Variants in ROBO2 observed in about 807,000 individuals in gnomAD.
ROBO2 encodes roundabout homolog 2.
Under a neutral mutation model 160.8 loss-of-function variants are expected in ROBO2, and 53 were observed. The ratio of observed to expected loss-of-function variants is 0.33; its 90% CI spans 0.26 to 0.41. ROBO2 has a LOEUF of 0.41. ROBO2 is among the 10% of genes least tolerant of loss of function. ROBO2 has a pLI of 1.00. For synonymous variants in ROBO2, 664 were observed against 611.7 expected (o/e 1.09, Z -1.26); for missense variants, 1,577 against 1,722.4 (o/e 0.92, Z 1.49).
intron 5 of ROBO2, among the ~76,000 whole-genome samples, chr3:77,522,239 T>C (rs1254791772): frequency 1.3e-5 from 2 of 151,196 alleles, no homozygotes; most frequent in Non-Finnish European, 3.0e-5. Context: ...CATGTTGATG[T>C]TTCAGGAGTT....
chr3:77,214,850 G>C (rs1422118709), intron 2 of ROBO2, among the ~76,000 whole-genome samples: 1 of 152,080 alleles, frequency 6.6e-6, no homozygotes, highest in Non-Finnish European at 1.5e-5. Context: ...GCTTAGTTTG[G>C]CTGGATATGA....
chr3:76,966,723 A>G (rs182695242), intron 2 of ROBO2, among the ~76,000 whole-genome samples: 1 of 152,322 alleles, frequency 6.6e-6, no homozygotes, highest in East Asian at 1.9e-4. Flanking sequence ...ATTCTCACCT[A>G]TGAAATGAAG....
At chr3:77,465,086 T>C (rs755643405) in intron 2 of ROBO2, among the ~76,000 whole-genome samples, 5 of 152,174 alleles carry the variant, frequency 3.3e-5, no homozygotes, top group Admixed American at 6.5e-5. Flanking sequence ...CCGTAATTTG[T>C]TCATCAAGAG....
intron 2 of ROBO2, among the ~76,000 whole-genome samples, chr3:77,368,264 T>G (rs199935330): frequency 5.3e-5 from 8 of 149,606 alleles, no homozygotes; most frequent in African/African-American, 2.0e-4. Flanking sequence ...CATTTTTTTG[T>G]TATTTTAATA....
intron 2 of ROBO2, among the ~76,000 whole-genome samples, chr3:76,844,062 A>G (rs1300853282): frequency 6.6e-6 from 1 of 151,994 alleles, no homozygotes; most frequent in South Asian, 2.1e-4. Context: ...TCTCCCTAGA[A>G]GCGTTCCGGT....
At chr3:77,114,210 A>G (rs1398246381) in intron 2 of ROBO2, among the ~76,000 whole-genome samples, 1 of 152,128 alleles carries the variant, frequency 6.6e-6, no homozygotes, top group Non-Finnish European at 1.5e-5. Flanking sequence ...GCCCTCTGGA[A>G]AAGGGGAAAT....
chr3:76,605,735 T>A (rs1252231583), intron 2 of ROBO2, among the ~76,000 whole-genome samples: 1 of 152,144 alleles, frequency 6.6e-6, no homozygotes, highest in Non-Finnish European at 1.5e-5. Flanking sequence ...AAAGAATAAG[T>A]AGCACATCTG....
intron 2 of ROBO2, among the ~76,000 whole-genome samples, chr3:76,972,836 G>A (rs1169857160): frequency 6.6e-6 from 1 of 152,018 alleles, no homozygotes; most frequent in Non-Finnish European, 1.5e-5. Flanking sequence ...TCATGTCTCA[G>A]AGAAATACAT....
chr3:76,370,828 G>T (rs1166912587), intron 2 of ROBO2, among the ~76,000 whole-genome samples: 2 of 151,916 alleles, frequency 1.3e-5, no homozygotes, highest in Non-Finnish European at 2.9e-5. Context: ...GCATCTTCAA[G>T]AATCTACTAG....
At chr3:77,553,890 C>G (rs1216033162) in intron 8 of ROBO2, among the ~76,000 whole-genome samples, 1 of 29,574 alleles carries the variant, frequency 3.4e-5, no homozygotes, top group East Asian at 8.9e-4. Context: ...GAAGCTTTAT[C>G]AAGTTATTCA....
intron 2 of ROBO2, among the ~76,000 whole-genome samples, chr3:75,996,540 C>T (rs1212475478): frequency 6.6e-6 from 1 of 152,186 alleles, no homozygotes; most frequent in Non-Finnish European, 1.5e-5. Flanking sequence ...TAATAATAGA[C>T]CTTAGTGACT....
At chr3:76,737,063 A>G (rs562737881) in intron 2 of ROBO2, among the ~76,000 whole-genome samples, 1 of 152,324 alleles carries the variant, frequency 6.6e-6, no homozygotes, top group South Asian at 2.1e-4. Context: ...TGAGCTTAGT[A>G]TAGGTTTAAA....
chr3:76,145,664 T>C (rs1379379446), intron 2 of ROBO2, among the ~76,000 whole-genome samples: 2 of 152,076 alleles, frequency 1.3e-5, no homozygotes, highest in Non-Finnish European at 2.9e-5. Flanking sequence ...TTTACTTATG[T>C]ATAACTCCTT....
chr3:77,181,628 G>A (rs1461790951), intron 2 of ROBO2, among the ~76,000 whole-genome samples: 2 of 151,968 alleles, frequency 1.3e-5, no homozygotes, highest in African/African-American at 2.4e-5. Context: ...AAAGAGCAGA[G>A]GAATTAGGAT....
chr3:77,222,187 C>T (rs566167994), intron 2 of ROBO2, among the ~76,000 whole-genome samples: 31 of 152,276 alleles, frequency 2.0e-4, no homozygotes, highest in African/African-American at 7.0e-4. Flanking sequence ...CTTTACCCTC[C>T]TGTCCAAAAG....
intron 5 of ROBO2, among the ~76,000 whole-genome samples, chr3:77,503,277 G>A (rs992612243): frequency 1.6e-4 from 25 of 151,542 alleles, no homozygotes; most frequent in African/African-American, 5.8e-4. Flanking sequence ...TGTAATCCCA[G>A]CACTTTGGGA....
chr3:77,237,517 G>T (rs2151331801), intron 2 of ROBO2, among the ~76,000 whole-genome samples: 1 of 150,508 alleles, frequency 6.6e-6, no homozygotes, highest in South Asian at 2.1e-4. Flanking sequence ...CTCCCACCTT[G>T]GGCTCCCAAA....
At chr3:77,379,656 T>C (rs2073173970) in intron 2 of ROBO2, among the ~76,000 whole-genome samples, 1 of 152,200 alleles carries the variant, frequency 6.6e-6, no homozygotes, top group Non-Finnish European at 1.5e-5. Flanking sequence ...TTTGTCCCCA[T>C]GTGTGAATCA....
intron 2 of ROBO2, among the ~76,000 whole-genome samples, chr3:76,510,389 A>G (rs1454967258): frequency 4.6e-5 from 7 of 152,172 alleles, no homozygotes; most frequent in Admixed American, 4.6e-4. Context: ...ATGGAAGGAT[A>G]AACTGTTGAA....
Sources: gnomAD v4.1 joint callset for allele counts (sites outside exome capture counted in the v4.1 genomes callset) on GRCh38, gnomAD v4.1.1 for gene constraint, MANE v1.5 for transcripts, NCBI Gene and HGNC (gene_info 2026-07-23, HGNC 2026-07-21) for gene names.